CNOT10: variants seen among roughly 807,000 people sequenced by gnomAD.
The protein encoded by CNOT10 is CCR4-NOT transcription complex subunit 10.
In CNOT10, 30 loss-of-function variants were observed where a neutral mutation model predicts 94.6. The ratio of observed to expected loss-of-function variants is 0.32; its 90% CI spans 0.24 to 0.43. The LOEUF (loss-of-function observed/expected upper bound fraction) is 0.43. Ranked by LOEUF, CNOT10 falls within the 20% of genes least tolerant of loss-of-function variation. The pLI is 1.00. For missense variants in CNOT10, 759 were observed against 877.2 expected (o/e 0.87, Z 1.70); for synonymous variants, 289 against 301.6 (o/e 0.96, Z 0.43).
At chr3:32,718,142 C>T (rs1404463248) in intron 7 of CNOT10, among the ~76,000 whole-genome samples, 1 of 151,548 alleles carries the variant, frequency 6.6e-6, no homozygotes, top group Non-Finnish European at 1.5e-5. Context: ...AAATCTCAGG[C>T]AGGATCCAGA....
intron 8 of CNOT10, among the ~76,000 whole-genome samples, chr3:32,724,219 T>C (rs1422032556): frequency 6.7e-6 from 1 of 150,212 alleles, no homozygotes; most frequent in African/African-American, 2.4e-5. Flanking sequence ...ACTTACAGTT[T>C]AATAGACATA....
At chr3:32,758,971 A>G (rs1700326122) in intron 13 of CNOT10, among the ~76,000 whole-genome samples, 1 of 152,192 alleles carries the variant, frequency 6.6e-6, no homozygotes. Context: ...TGGTTGAGAA[A>G]AGAACATTTA....
chr3:32,721,627 G>A (rs1297715597), intron 8 of CNOT10, among the ~76,000 whole-genome samples: 1 of 149,452 alleles, frequency 6.7e-6, no homozygotes, highest in Non-Finnish European at 1.5e-5. Flanking sequence ...ATGCTAGGAA[G>A]ATAAGTATTA....
intron 13 of CNOT10, among the ~76,000 whole-genome samples, chr3:32,756,484 T>G (rs1700229564): frequency 6.6e-6 from 1 of 152,050 alleles, no homozygotes. Context: ...CCACCTACTG[T>G]CGGGAGAGGC....
intron 1 of CNOT10, among the ~76,000 whole-genome samples, chr3:32,692,051 C>CAAAA (rs747328876): frequency 0.016 from 1,075 of 66,450 alleles, 12 homozygotes; most frequent in Non-Finnish European, 0.022. Context: ...ACCCTGTCAC[C>CAAAA]AAAAAAAAAA....
chr3:32,702,854 C>T (rs1697418850), intron 1 of CNOT10, among the ~76,000 whole-genome samples: 1 of 151,644 alleles, frequency 6.6e-6, no homozygotes, highest in South Asian at 2.1e-4. Flanking sequence ...GGAACCTTTT[C>T]AAGCTTTCAG....
intron 13 of CNOT10, among the ~76,000 whole-genome samples, chr3:32,745,302 T>A (rs1030981802): frequency 6.6e-6 from 1 of 151,962 alleles, no homozygotes; most frequent in Non-Finnish European, 1.5e-5. Flanking sequence ...TAGTTTTTTT[T>A]ATTATTATAT....
At chr3:32,690,417 CTCTT>C (rs1398118759) in intron 1 of CNOT10, among the ~76,000 whole-genome samples, 2 of 152,158 alleles carry the variant, frequency 1.3e-5, no homozygotes, top group Non-Finnish European at 2.9e-5. Flanking sequence ...CAGGGTCTCA[CTCTT>C]TCACCCATGT....
At chr3:32,717,086 T>G in intron 6 of CNOT10, 68 bp from the exon 7 acceptor site, 1 of 901,710 alleles carries the variant, frequency 1.1e-6, no homozygotes, top group Non-Finnish European at 1.7e-6. Flanking sequence ...TGGGTTTTCT[T>G]AACTAGAAAG....
At chr3:32,696,164 A>C (rs1697057678) in intron 1 of CNOT10, among the ~76,000 whole-genome samples, 1 of 152,030 alleles carries the variant, frequency 6.6e-6, no homozygotes, top group South Asian at 2.1e-4. Context: ...AAAAATACAA[A>C]AATTAGCTGA....
At chr3:32,739,919 C>T (rs1345832262) in intron 13 of CNOT10, among the ~76,000 whole-genome samples, 1 of 152,112 alleles carries the variant, frequency 6.6e-6, no homozygotes, top group Non-Finnish European at 1.5e-5. Context: ...GAGTGAAACT[C>T]CGTCTCGAAA....
At chr3:32,721,988 C>T (rs2125553262) in intron 8 of CNOT10, among the ~76,000 whole-genome samples, 1 of 152,192 alleles carries the variant, frequency 6.6e-6, no homozygotes, top group African/African-American at 2.4e-5. Flanking sequence ...ACTAAAAAGT[C>T]TTACAAATCC....
At chr3:32,752,556 C>T (rs547872725) in intron 13 of CNOT10, among the ~76,000 whole-genome samples, 1 of 152,288 alleles carries the variant, frequency 6.6e-6, no homozygotes, top group Non-Finnish European at 1.5e-5. Context: ...TTGTGTTGTA[C>T]TTCTATTTCT....
chr3:32,771,662 TGATA>T (rs1045663785), intron 18 of CNOT10, among the ~76,000 whole-genome samples: 7 of 152,214 alleles, frequency 4.6e-5, no homozygotes, highest in South Asian at 4.1e-4. Context: ...ATAGATAAAT[TGATA>T]GATATAGTTA....
chr3:32,691,591 C>T (rs1696852392), intron 1 of CNOT10, among the ~76,000 whole-genome samples: 1 of 152,126 alleles, frequency 6.6e-6, no homozygotes, highest in African/African-American at 2.4e-5. Context: ...AGCCAACACA[C>T]CTGGCTCTAG....
intron 9 of CNOT10, among the ~76,000 whole-genome samples, chr3:32,726,380 A>C (rs1007681802): frequency 6.6e-6 from 1 of 152,126 alleles, no homozygotes; most frequent in African/African-American, 2.4e-5. Flanking sequence ...AAATCAAACA[A>C]TTATTTAGCT....
intron 13 of CNOT10, among the ~76,000 whole-genome samples, chr3:32,748,488 A>G (rs1040705652): frequency 6.6e-6 from 1 of 152,080 alleles, no homozygotes; most frequent in Admixed American, 6.6e-5. Flanking sequence ...CAATAGAATA[A>G]TGTATTTTTC....
At chr3:32,717,311 ATAAT>A in intron 7 of CNOT10, 74 bp downstream of exon 7, 2 of 893,352 alleles carry the variant, frequency 2.2e-6, no homozygotes, top group Non-Finnish European at 3.5e-6. Flanking sequence ...TCAGGTTTAA[ATAAT>A]TTATCTTAGT....
intron 1 of CNOT10, among the ~76,000 whole-genome samples, chr3:32,692,029 T>C (rs1575199073): frequency 1.4e-5 from 2 of 141,342 alleles, no homozygotes; most frequent in African/African-American, 5.3e-5. Context: ...CCAACCTGGG[T>C]GACTGAGTGA....
Sources: gnomAD v4.1 joint callset for allele counts (sites outside exome capture counted in the v4.1 genomes callset) on GRCh38, gnomAD v4.1.1 for gene constraint, MANE v1.5 for transcripts, NCBI Gene and HGNC (gene_info 2026-07-23, HGNC 2026-07-21) for gene names.